Variants in PASD1 observed in about 807,000 individuals in gnomAD.
The protein encoded by PASD1 is circadian clock protein PASD1.
PASD1 carries 13 observed loss-of-function variants against 58.8 expected under a neutral mutation model. That is an observed-to-expected ratio of 0.22 (90% CI 0.14 to 0.35). The LOEUF (loss-of-function observed/expected upper bound fraction) is 0.35, where lower values mean the gene tolerates loss of function less well. Among genes scored for constraint, PASD1 ranks in the 10% least tolerant of loss-of-function variants. The pLI is 1.00. For synonymous variants in PASD1, 236 were observed against 216.7 expected, an observed-to-expected ratio of 1.09 and a Z score of -0.78; for missense variants, 734 against 568.3, an observed-to-expected ratio of 1.29 and a Z score of -2.96.
chrX:151,659,761 G>A lies in PASD1; in HGVS notation c.766G>A (p.Val256Ile), dbSNP rs1460929433. 4.2e-6 allele frequency: 5 copies of A among 1,201,558 alleles called. No individual in the cohort carries two copies. In the South Asian group the frequency reaches 5.3e-5, roughly 13 times the overall value. ...EVEQYGPQENVHMFVDSDSTY... is the reference protein window; with the variant it reads ...EVEQYGPQENIHMFVDSDSTY... ...TGAGCAGTATGGACCACAAGAAAAC[G>A]TTCACATGTTTGTAGATTCTGATTC... The change falls in exon 10 of 16, where the codon GTT (valine) becomes ATT (isoleucine). Residue 256 changes from valine to isoleucine, a missense_variant. By Grantham distance (29) the Val-to-Ile change is conservative (BLOSUM62 3). Coordinates refer to ENST00000370357, the MANE Select transcript of PASD1 (RefSeq NM_173493.3).
intron 8 of PASD1, among the ~76,000 whole-genome samples, chrX:151,641,920 C>T (rs746368495): frequency 1.8e-4 from 20 of 111,599 alleles, no homozygotes; most frequent in Non-Finnish European, 3.2e-4. Flanking sequence ...CTGGAGAGGA[C>T]GGGTAAATTC....
At chrX:151,634,742 TATC>T (rs1006615940) in intron 8 of PASD1, among the ~76,000 whole-genome samples, 1 of 111,886 alleles carries the variant, frequency 8.9e-6, no homozygotes, top group Admixed American at 9.5e-5. Flanking sequence ...CAGTACGACA[TATC>T]AAAAGATAGA....
Position 151,671,180 on chromosome X carries a change from T to C in PASD1, c.1214T>C (p.Met405Thr), listed in dbSNP as rs1393987728. 2.5e-6 allele frequency: 3 copies of C among 1,209,680 alleles called. No individual in the cohort carries two copies. The highest frequency in any genetic ancestry group is 3.0e-5 in the East Asian group (1 of 33,749). Residue 405 changes from methionine (M) to threonine (T), a missense_variant, in exon 12 of 16, where the codon ATG becomes ACG. Met to Thr is a moderately conservative substitution (Grantham distance 81, BLOSUM62 -1). Transcript: ENST00000370357. ...AACCAGCAGAATGCATTGGAATTGA[T>C]GATGGATCACCTTCAGGTCAGTCAG... Reference protein sequence around the residue: ...IQNQQNALELMMDHLQKQPNT... With the variant: ...IQNQQNALELTMDHLQKQPNT...
chrX:151,642,628 G>A (rs962091902), intron 8 of PASD1, among the ~76,000 whole-genome samples: 7 of 111,958 alleles, frequency 6.3e-5, no homozygotes, highest in Non-Finnish European at 5.6e-5. Flanking sequence ...GATTTAGCAT[G>A]TTTTCAGATT....
intron 8 of PASD1, among the ~76,000 whole-genome samples, chrX:151,644,031 A>G (rs768978702): frequency 8.9e-6 from 1 of 111,866 alleles, no homozygotes; most frequent in South Asian, 3.8e-4. Flanking sequence ...ATGATGAAGC[A>G]TTCACTTCAA....
At chrX:151,655,994 C>T (rs1369058173) in intron 9 of PASD1, among the ~76,000 whole-genome samples, 8 of 111,967 alleles carry the variant, frequency 7.1e-5, no homozygotes, top group East Asian at 2.8e-4. Flanking sequence ...TTAGGTCTAA[C>T]GTTTAAGTAT....
chrX:151,647,111 A>C (rs1367585129), intron 8 of PASD1, among the ~76,000 whole-genome samples: 3 of 111,867 alleles, frequency 2.7e-5, no homozygotes, highest in African/African-American at 9.7e-5. Context: ...GCCCACATGC[A>C]TGTGCTGAAG....
chrX:151,647,666 C>T (rs1402886970), intron 8 of PASD1, among the ~76,000 whole-genome samples: 3 of 110,436 alleles, frequency 2.7e-5, no homozygotes, highest in South Asian at 3.8e-4. Flanking sequence ...CTAAATATTA[C>T]GTATTTTGGA....
intron 1 of PASD1, among the ~76,000 whole-genome samples, chrX:151,581,227 CAAAAAAAAA>C (rs55664238): frequency 2.2e-4 from 7 of 31,498 alleles, no homozygotes; most frequent in South Asian, 0.01. Context: ...AGCTCTGTAT[CAAAAAAAAA>C]AAAAAAAAAA....
chrX:151,676,417 G>C lies in PASD1; in HGVS notation c.*274G>C, dbSNP rs976179894. ...CTGGATCTGATGTCTTGTCTGCCCC[G>C]CCCAGCTTTGCATATCCATGTTCTA... On this transcript the variant is annotated 3_prime_UTR_variant, in exon 16 of 16. Transcript: ENST00000370357. 3.8e-6 allele frequency: 1 copy of C among 264,385 alleles called. No individual in the cohort carries two copies. Among genetic ancestry groups the C allele is most frequent in the African/African-American group, 2.8e-5 (1 of 35,786 alleles). The allele number at this position is 264,385 out of a possible 1,213,427, so 21.8% of individuals were successfully genotyped here.
At chrX:151,598,744 A>G (rs757311801) in intron 1 of PASD1, among the ~76,000 whole-genome samples, 12 of 111,138 alleles carry the variant, frequency 1.1e-4, no homozygotes, top group South Asian at 3.9e-4. Context: ...ATCTTTGTCC[A>G]CATCTATTTG....
chrX:151,610,035 C>T (rs1387199239), intron 3 of PASD1, among the ~76,000 whole-genome samples: 1 of 111,065 alleles, frequency 9.0e-6, no homozygotes, highest in South Asian at 3.8e-4. Context: ...TGACTTTATA[C>T]AAATAGAGAA....
chrX:151,616,920 A>G (rs920641506), intron 4 of PASD1, among the ~76,000 whole-genome samples: 2 of 111,210 alleles, frequency 1.8e-5, no homozygotes, highest in Non-Finnish European at 1.9e-5. Flanking sequence ...TGTGCCCTAT[A>G]CAGTTGAATA....
intron 1 of PASD1, among the ~76,000 whole-genome samples, chrX:151,589,317 C>G (rs2013214781): frequency 9.0e-6 from 1 of 111,422 alleles, no homozygotes; most frequent in Non-Finnish European, 1.9e-5. Flanking sequence ...CCTGGTAGGC[C>G]CACTGCATGG....
At chrX:151,565,542 T>G (rs1416349964) in intron 1 of PASD1, among the ~76,000 whole-genome samples, 2 of 104,764 alleles carry the variant, frequency 1.9e-5, no homozygotes, top group Admixed American at 1.0e-4. Context: ...GTGGCTTTCT[T>G]TTTTCTTTTT....
At chrX:151,655,432 T>G (rs1323217938) in intron 9 of PASD1, among the ~76,000 whole-genome samples, 3 of 111,876 alleles carry the variant, frequency 2.7e-5, no homozygotes, top group Admixed American at 9.5e-5. Flanking sequence ...TTGCCACACT[T>G]TCTTCCACAA....
chrX:151,606,264 G>A (rs1314401479), intron 3 of PASD1, among the ~76,000 whole-genome samples: 1 of 111,968 alleles, frequency 8.9e-6, no homozygotes, highest in Non-Finnish European at 1.9e-5. Context: ...CCAGGGAGAT[G>A]GAAACATCAG....
At chrX:151,614,038 G>A (rs2013605294) in intron 4 of PASD1, among the ~76,000 whole-genome samples, 1 of 109,369 alleles carries the variant, frequency 9.1e-6, no homozygotes, top group African/African-American at 3.3e-5. Context: ...AGGCTGGAGT[G>A]CAATGGTGCG....
At chrX:151,660,881 C>T (rs1434977638) in intron 10 of PASD1, among the ~76,000 whole-genome samples, 1 of 112,268 alleles carries the variant, frequency 8.9e-6, no homozygotes, top group African/African-American at 3.2e-5. Context: ...GGGCCGGGCA[C>T]GGTGGCTCAT....
Sources: allele counts gnomAD v4.1 joint callset (sites outside exome capture counted in the v4.1 genomes callset), GRCh38; gene constraint gnomAD v4.1.1; transcripts MANE v1.5; gene names NCBI Gene and HGNC (gene_info 2026-07-23, HGNC 2026-07-21).